Variants in NPAS2 observed in about 807,000 individuals in gnomAD.
The protein encoded by NPAS2 is neuronal PAS domain protein 2.
A neutral mutation model predicts 107.5 loss-of-function variants in NPAS2; 23 were observed. The observed-to-expected ratio is 0.21, with a 90% CI of 0.15 to 0.30. The LOEUF (loss-of-function observed/expected upper bound fraction) is 0.30. Ranked by LOEUF, NPAS2 falls within the 10% of genes least tolerant of loss-of-function variation. The pLI is 1.00. For synonymous variants in NPAS2, 403 were observed against 417.5 expected (o/e 0.97, Z 0.42); for missense variants, 756 against 1,043.3 (o/e 0.72, Z 3.79).
chr2:100,897,129 A>G (rs1032415069), intron 1 of NPAS2, among the ~76,000 whole-genome samples: 8 of 151,594 alleles, frequency 5.3e-5, no homozygotes, highest in Non-Finnish European at 7.4e-5. Context: ...ATGAGCACCC[A>G]CTCCTATCAT....
chr2:100,951,877 C>T (rs1198858834), intron 7 of NPAS2, among the ~76,000 whole-genome samples: 5 of 152,068 alleles, frequency 3.3e-5, no homozygotes, highest in African/African-American at 7.2e-5. Flanking sequence ...TGGCCAGGCG[C>T]GGTGGCTCAC....
intron 5 of NPAS2, among the ~76,000 whole-genome samples, chr2:100,945,802 C>T (rs1674858566): frequency 6.6e-6 from 1 of 152,234 alleles, no homozygotes. Flanking sequence ...CTCAAGGATT[C>T]CTCCCTCTGG....
chr2:100,954,564 C>T (rs571116485), intron 7 of NPAS2, among the ~76,000 whole-genome samples: 37 of 149,450 alleles, frequency 2.5e-4, no homozygotes, highest in African/African-American at 8.9e-4. Context: ...ACTTGGGAGG[C>T]TGAGGCATAT....
At chr2:100,993,166 C>G (rs1438151540) in intron 19 of NPAS2, among the ~76,000 whole-genome samples, 181 bp from the exon 20 acceptor site, 1 of 152,132 alleles carries the variant, frequency 6.6e-6, no homozygotes, top group Non-Finnish European at 1.5e-5. Flanking sequence ...ATCTCCTGAC[C>G]TTGTGATCCG....
intron 1 of NPAS2, among the ~76,000 whole-genome samples, chr2:100,880,519 A>C (rs1454799760): frequency 1.3e-5 from 2 of 152,218 alleles, no homozygotes; most frequent in African/African-American, 4.8e-5. Flanking sequence ...GCTAAATGAA[A>C]GACGCCATGG....
chr2:100,927,126 G>A (rs796709558), intron 3 of NPAS2, among the ~76,000 whole-genome samples: 5 of 151,800 alleles, frequency 3.3e-5, no homozygotes, highest in African/African-American at 1.2e-4. Context: ...AGTAGAGAAG[G>A]GGTTTCACCA....
chr2:100,933,527 T>C (rs1270225559), intron 4 of NPAS2, among the ~76,000 whole-genome samples: 8 of 152,228 alleles, frequency 5.3e-5, no homozygotes, highest in Admixed American at 5.2e-4. Flanking sequence ...ATCCAGCTCA[T>C]GTCCTTTCTG....
chr2:100,917,619 A>G (rs1421809902), intron 2 of NPAS2, among the ~76,000 whole-genome samples: 2 of 152,224 alleles, frequency 1.3e-5, no homozygotes, highest in Non-Finnish European at 2.9e-5. Context: ...CAGGAATAAG[A>G]AGGCCTATCA....
At chr2:100,858,887 G>A (rs1001058298) in intron 1 of NPAS2, among the ~76,000 whole-genome samples, 2 of 152,156 alleles carry the variant, frequency 1.3e-5, no homozygotes, top group African/African-American at 4.8e-5. Context: ...TAATTTTCCT[G>A]CTCAATAAGA....
intron 19 of NPAS2, among the ~76,000 whole-genome samples, chr2:100,991,260 C>T (rs1422081520): frequency 6.6e-6 from 1 of 152,152 alleles, no homozygotes; most frequent in African/African-American, 2.4e-5. Context: ...GCTTCTGGCA[C>T]CGTGCTCGGG....
At chr2:100,992,506 G>C (rs1462524095) in intron 19 of NPAS2, among the ~76,000 whole-genome samples, 1 of 147,382 alleles carries the variant, frequency 6.8e-6, no homozygotes, top group East Asian at 2.0e-4. Flanking sequence ...CTATTCTTGT[G>C]ATAGAGTTCT....
intron 1 of NPAS2, chr2:100,821,259 T>G: frequency 7.9e-7 from 1 of 1,260,860 alleles, no homozygotes; most frequent in Non-Finnish European, 1.0e-6. Context: ...TTTTGTTGAT[T>G]AAGCAAGATG....
At chr2:100,966,738 CGT>C (rs1676240172) in intron 10 of NPAS2, among the ~76,000 whole-genome samples, 1 of 151,916 alleles carries the variant, frequency 6.6e-6, no homozygotes. Flanking sequence ...GGATTACAGG[CGT>C]GTGTGCCACC....
chr2:100,921,674 C>T (rs898280156), intron 2 of NPAS2, among the ~76,000 whole-genome samples: 4 of 152,096 alleles, frequency 2.6e-5, no homozygotes, highest in East Asian at 3.9e-4. Flanking sequence ...AAAAGATGTT[C>T]GACATTACTA....
At chr2:100,896,784 A>G (rs1264913645) in intron 1 of NPAS2, among the ~76,000 whole-genome samples, 1 of 152,082 alleles carries the variant, frequency 6.6e-6, no homozygotes, top group Non-Finnish European at 1.5e-5. Context: ...AGGAATTCAG[A>G]TGGGGGTTTG....
At chr2:100,977,658 G>C in intron 14 of NPAS2, 52 bp from the exon 15 acceptor site, 1 of 1,506,718 alleles carries the variant, frequency 6.6e-7, no homozygotes, top group Admixed American at 1.7e-5. Context: ...CCACATCCCT[G>C]TCCCCTGGAA....
chr2:100,958,697 G>T (rs560240094), intron 7 of NPAS2, among the ~76,000 whole-genome samples: 14 of 152,090 alleles, frequency 9.2e-5, no homozygotes, highest in Non-Finnish European at 1.6e-4. Context: ...GTCTGGGAGT[G>T]GGGGGACCTT....
chr2:100,919,698 C>A (rs998744412), intron 2 of NPAS2, among the ~76,000 whole-genome samples: 4 of 152,204 alleles, frequency 2.6e-5, no homozygotes, highest in Admixed American at 2.6e-4. Flanking sequence ...TCGGTCTCCC[C>A]GTGCCTCCCC....
chr2:100,854,967 C>T (rs770693388), intron 1 of NPAS2, among the ~76,000 whole-genome samples: 30 of 152,140 alleles, frequency 2.0e-4, no homozygotes, highest in East Asian at 5.8e-4. Flanking sequence ...GTAGGAAAAA[C>T]GAATGCAAGC....
Sources: allele counts gnomAD v4.1 joint callset (sites outside exome capture counted in the v4.1 genomes callset), GRCh38; gene constraint gnomAD v4.1.1; transcripts MANE v1.5; gene names NCBI Gene and HGNC (gene_info 2026-07-23, HGNC 2026-07-21).